Variants in TMEM209 observed in about 807,000 individuals in gnomAD.
TMEM209 encodes testicular tissue protein Li 202.
Under a neutral mutation model 76.2 loss-of-function variants are expected in TMEM209, and 65 were observed. The observed-to-expected ratio is 0.85, with a 90% CI of 0.70 to 1.05. TMEM209 has a LOEUF of 1.05. TMEM209 is among the 50% of genes least tolerant of loss of function. The pLI is 0.00. For synonymous variants in TMEM209, 239 were observed against 237.6 expected, an observed-to-expected ratio of 1.01 and a Z score of -0.06; for missense variants, 623 against 685.5, an observed-to-expected ratio of 0.91 and a Z score of 1.02.
At chr7:130,201,119 A>AAT (rs1175991093) in intron 5 of TMEM209, among the ~76,000 whole-genome samples, 1 of 149,490 alleles carries the variant, frequency 6.7e-6, no homozygotes, top group African/African-American at 2.4e-5. Flanking sequence ...AAAAAAAAGA[A>AAT]ATATGTAAAT....
chr7:130,199,302 C>T (rs957310862), intron 5 of TMEM209, among the ~76,000 whole-genome samples: 1 of 152,020 alleles, frequency 6.6e-6, no homozygotes, highest in Non-Finnish European at 1.5e-5. Context: ...ACTGAAAGCT[C>T]CGCCTTCCTG....
Position 130,202,563 on chromosome 7 carries a change from T to C in TMEM209, c.300A>G (p.Gly100=). 2 of 1,613,716 alleles carry C rather than the reference T, an allele frequency of 1.2e-6. No individual in the cohort carries two copies. Among genetic ancestry groups the C allele is most frequent in the Non-Finnish European group, 1.7e-6 (2 of 1,179,776 alleles). ...VAPTSLVVSP[G]QQTLLGLKTA... ...TTTTCAACCCTAAAAGTGTTTGCTG[T>C]CCAGGACTAACAACCAGACTTGTTG... is the stretch of plus-strand genomic sequence containing the variant. The change falls in exon 4 of 15, where the codon GGA becomes GGG. Residue 100 remains glycine (G), a synonymous_variant. Coordinates refer to ENST00000397622, the MANE Select transcript of TMEM209 (RefSeq NM_032842.4).
In TMEM209 at chr7:130,181,680, T is replaced by C. The variant is rs769856251; in HGVS notation, c.1063A>G (p.Ile355Val). ...CTCATCTGTGTGCTGACAGACTCAA[T>C]CTCTTGAACAAGTGGCACTAATATT... The part of the protein sequence containing the change: ...ETILVPLVQE[I>V]ESVSTQMRRM... The change falls in exon 9 of 15, where the codon ATT becomes GTT. Residue 355 changes from isoleucine (I) to valine (V), a missense_variant. Physicochemically the swap from Ile to Val is conservative, Grantham distance 29. Transcript: ENST00000397622. 1.1e-5 allele frequency: 17 copies of C among 1,611,864 alleles called. No individual in the cohort carries two copies. Among genetic ancestry groups the C allele is most frequent in the Non-Finnish European group, 1.3e-5 (15 of 1,179,118 alleles).
chr7:130,204,873 C>A (rs1267802564), intron 1 of TMEM209: 2 of 953,168 alleles, frequency 2.1e-6, no homozygotes, highest in Non-Finnish European at 1.3e-6. Context: ...CCATTACTAT[C>A]TCAACAACTC....
intron 5 of TMEM209, among the ~76,000 whole-genome samples, chr7:130,199,258 G>A (rs530531540): frequency 5.4e-5 from 8 of 149,292 alleles, no homozygotes; most frequent in South Asian, 4.2e-4. Context: ...TTGCTGTGTC[G>A]CCCAGGCTGG....
At chr7:130,205,281 G>T in intron 1 of TMEM209, 92 bp downstream of exon 1, 1 of 1,612,482 alleles carries the variant, frequency 6.2e-7, no homozygotes, top group Non-Finnish European at 8.5e-7. Context: ...CATCCCCCTT[G>T]GCTGAACCCA....
intron 11 of TMEM209, 116 bp from the exon 12 acceptor site, chr7:130,174,055 AGAGT>A (rs1246625560): frequency 4.6e-6 from 3 of 646,464 alleles, no homozygotes; most frequent in Non-Finnish European, 8.0e-6. Flanking sequence ...TTTTCTCTGA[AGAGT>A]GAATTAGAAA....
At position 130,192,516 on chromosome 7, in the gene TMEM209, C is replaced by T; in HGVS notation, c.775+106G>A. 2.1e-6 allele frequency: 2 copies of T among 974,040 alleles called. 1 individual carries two copies. Among genetic ancestry groups the T allele is most frequent in the South Asian group, 3.1e-5 (2 of 64,180 alleles). The allele number at this position is 974,040 out of a possible 1,614,324, so 60.3% of individuals were successfully genotyped here. Reference sequence around the variant, plus strand: ...TACATATAAAGTAAAACAAAACATGCTAAGCTAATAAAGTATGTTAGTATG... The same window carrying T: ...TACATATAAAGTAAAACAAAACATGTTAAGCTAATAAAGTATGTTAGTATG... On this transcript the variant is annotated intron_variant, in intron 6 of 14. Transcript: ENST00000397622.
intron 3 of TMEM209, 149 bp downstream of exon 3, chr7:130,203,639 C>A (rs1798301545): frequency 1.3e-5 from 8 of 639,878 alleles, no homozygotes. Flanking sequence ...AGGGATTTAC[C>A]TTGCTCCCTT....
In TMEM209 at chr7:130,170,979, C is replaced by T. The variant is rs557069289; in HGVS notation, c.1558-506G>A. Among the ~76,000 whole-genome samples the T allele has an allele frequency of 1.6e-3, 248 of 152,140 alleles. 1 individual carries two copies. Among genetic ancestry groups the T allele is most frequent in the African/African-American group, 5.6e-3 (234 of 41,502 alleles). On this transcript the variant is annotated intron_variant, in intron 13 of 14. Transcript: ENST00000397622. Reference sequence around the variant, plus strand: ...AAGTAGCTGGGACCACAGGCGCCCACCGCCATGCCCGGCTAATTTTTTTTT... The same window carrying T: ...AAGTAGCTGGGACCACAGGCGCCCATCGCCATGCCCGGCTAATTTTTTTTT...
At chr7:130,195,641 A>G (rs1797945257) in intron 5 of TMEM209, among the ~76,000 whole-genome samples, 1 of 152,086 alleles carries the variant, frequency 6.6e-6, no homozygotes, top group Non-Finnish European at 1.5e-5. Flanking sequence ...GAAAAAAAAA[A>G]AAAGTTGTTA....
intron 8 of TMEM209, 32 bp from the exon 9 acceptor site, chr7:130,181,751 A>G (rs764178737): frequency 1.3e-6 from 2 of 1,541,320 alleles, no homozygotes; most frequent in African/African-American, 1.4e-5. Flanking sequence ...TTTTGGATAC[A>G]TAATTCCCAA....
At chr7:130,196,057 T>C (rs1414762584) in intron 5 of TMEM209, among the ~76,000 whole-genome samples, 2 of 152,148 alleles carry the variant, frequency 1.3e-5, no homozygotes, top group Admixed American at 6.5e-5. Flanking sequence ...GGATTAGAAT[T>C]AGCTGTTCAT....
Position 130,164,942 on chromosome 7 carries a change from A to G in TMEM209, c.*1509T>C, listed in dbSNP as rs1186478911. On this transcript the variant is annotated 3_prime_UTR_variant, in exon 15 of 15. Transcript: ENST00000397622. Reference sequence around the variant, plus strand: ...TAAAAGAAGCTCCTTTCCTTTGGACATCAACTTTTAAAAACACGAACAACT... The same window carrying G: ...TAAAAGAAGCTCCTTTCCTTTGGACGTCAACTTTTAAAAACACGAACAACT... 6.6e-6 allele frequency: 1 copy of G among 152,238 alleles called. No homozygotes were observed. The highest frequency in any genetic ancestry group is 2.4e-5 in the African/African-American group (1 of 41,474). 9.4% of individuals were successfully genotyped at this position (152,238 alleles called of 1,614,324 possible).
rs368882588 is a variant in TMEM209, at chr7:130,201,892, A to G, written c.531T>C (p.Tyr177=). The change falls in exon 5 of 15, where the codon TAT becomes TAC. Residue 177 remains tyrosine, a synonymous_variant. Transcript: ENST00000397622. The part of the protein sequence containing the change: ...QGLSSGGSGS[Y]SPGVTYSPVS... ...CGGGCGAGTAGGTCACTCCAGGGCT[A>G]TAAGAACCACTGCCACCTGAGGACA... 6.8e-6 allele frequency: 11 copies of G among 1,613,868 alleles called. No individual in the cohort carries two copies. Among genetic ancestry groups the G allele is most frequent in the East Asian group, 2.2e-5 (1 of 44,892 alleles).
intron 6 of TMEM209, among the ~76,000 whole-genome samples, chr7:130,189,578 C>T (rs1797724419): frequency 6.6e-6 from 1 of 152,138 alleles, no homozygotes; most frequent in Non-Finnish European, 1.5e-5. Flanking sequence ...ATGATGCCCG[C>T]AACTTCCTTT....
In TMEM209 at chr7:130,173,686, G is replaced by A. The variant is rs1430088749; in HGVS notation, c.1503C>T (p.Ile501=). ...AGATGAGCTCATAATGGGGAGGGTT[G>A]ATAGCACTCTGATAAATGCAAAAAA... The part of the protein sequence containing the change: ...ENVFCIYQSA[I]NPPHYELIYQ... Residue 501 remains isoleucine, a synonymous_variant, in exon 13 of 15, where the codon ATC becomes ATT. Coordinates refer to ENST00000397622, the MANE Select transcript of TMEM209 (RefSeq NM_032842.4). 1 of 1,613,812 alleles carries A rather than the reference G, an allele frequency of 6.2e-7. No homozygotes were observed. The highest frequency in any genetic ancestry group is 8.5e-7 in the Non-Finnish European group (1 of 1,179,838).
intron 1 of TMEM209, chr7:130,204,923 G>A (rs951257220): frequency 1.9e-6 from 2 of 1,051,082 alleles, no homozygotes; most frequent in Non-Finnish European, 2.3e-6. Flanking sequence ...TCCCTTTTGT[G>A]TGTGGATAAA....
chr7:130,173,328 C>T (rs1006676872), intron 13 of TMEM209, among the ~76,000 whole-genome samples: 5 of 152,056 alleles, frequency 3.3e-5, no homozygotes, highest in Non-Finnish European at 5.9e-5. Flanking sequence ...GGTGACAGAG[C>T]TAGACTCTGC....
Sources: gnomAD v4.1 joint callset for allele counts (sites outside exome capture counted in the v4.1 genomes callset) on GRCh38, gnomAD v4.1.1 for gene constraint, MANE v1.5 for transcripts, NCBI Gene and HGNC (gene_info 2026-07-23, HGNC 2026-07-21) for gene names.